The following PTPN9 variants were observed in gnomAD, a reference collection of about 807,000 sequenced individuals.
PTPN9 encodes the protein protein tyrosine phosphatase non-receptor type 9.
PTPN9 carries 26 observed loss-of-function variants against 69.8 expected under a neutral mutation model. That is an observed-to-expected ratio of 0.37 (90% CI 0.27 to 0.52). The LOEUF (loss-of-function observed/expected upper bound fraction) is 0.52, where lower values mean the gene tolerates loss of function less well. Ranked by LOEUF, PTPN9 falls within the 20% of genes least tolerant of loss-of-function variation. The pLI is 0.91. For synonymous variants in PTPN9, 274 were observed against 272.5 expected (o/e 1.01, Z -0.05); for missense variants, 549 against 740.3 (o/e 0.74, Z 3.00).
intron 1 of PTPN9, among the ~76,000 whole-genome samples, chr15:75,534,406 G>A (rs1468056311): frequency 6.6e-6 from 1 of 152,088 alleles, no homozygotes; most frequent in East Asian, 1.9e-4. Context: ...GGGAGTGGTG[G>A]CTCACATCTG....
chr15:75,472,187 C>T (rs79528972), intron 10 of PTPN9, among the ~76,000 whole-genome samples: 3,810 of 152,142 alleles, frequency 0.025, 173 homozygotes, highest in African/African-American at 0.088. Context: ...CGGCCAGGCG[C>T]GGTGGCTCAC....
In PTPN9 at chr15:75,505,945, T is replaced by C. The variant is rs1449429317; in HGVS notation, c.698A>G (p.Glu233Gly). Residue 233 changes from glutamate to glycine, a missense_variant, in exon 7 of 13, where the codon GAA becomes GGA. This residue lies in a region of PTPN9 where 457 missense variants were observed against 661.9 expected (regional missense o/e 0.69). Transcript: ENST00000618819. ...AATTTTGACGTACCCACCCAGGTTT[T>C]CTGGAAGACACTCCCTGGGCAGATG... The part of the protein sequence containing the change: ...TQHLPRECLP[E>G]NLGGYVKIDL... 3 of 1,614,014 alleles carry C rather than the reference T, an allele frequency of 1.9e-6. No homozygotes were observed. The highest frequency in any genetic ancestry group is 2.7e-5 in the African/African-American group (2 of 74,920).
chr15:75,518,416 C>T (rs761222905), intron 4 of PTPN9, among the ~76,000 whole-genome samples: 37 of 150,208 alleles, frequency 2.5e-4, no homozygotes, highest in Non-Finnish European at 4.7e-4. Flanking sequence ...TCGCTTGAAC[C>T]CAGGAGTTCA....
At chr15:75,557,218 A>G (rs949003656) in intron 1 of PTPN9, among the ~76,000 whole-genome samples, 8 of 152,084 alleles carry the variant, frequency 5.3e-5, no homozygotes, top group African/African-American at 1.9e-4. Context: ...TGAGGTCAGG[A>G]GTTCGAGACC....
chr15:75,494,570 C>T (rs984662096), intron 7 of PTPN9, among the ~76,000 whole-genome samples: 1 of 151,020 alleles, frequency 6.6e-6, no homozygotes, highest in African/African-American at 2.4e-5. Context: ...CCAGGCTGGT[C>T]TTGAACTCCT....
At chr15:75,555,649 C>T (rs923791229) in intron 1 of PTPN9, among the ~76,000 whole-genome samples, 4 of 151,852 alleles carry the variant, frequency 2.6e-5, no homozygotes, top group African/African-American at 4.8e-5. Context: ...GGATTACAGG[C>T]GTGCACCACC....
At chr15:75,543,971 C>T (rs1020240110) in intron 1 of PTPN9, among the ~76,000 whole-genome samples, 1 of 152,178 alleles carries the variant, frequency 6.6e-6, no homozygotes, top group East Asian at 1.9e-4. Context: ...GAGTGTGCCA[C>T]TCTCACTTTC....
At chr15:75,482,947 T>C (rs963598051) in intron 8 of PTPN9, among the ~76,000 whole-genome samples, 1 of 151,046 alleles carries the variant, frequency 6.6e-6, no homozygotes, top group East Asian at 1.9e-4. Flanking sequence ...AGAGCGAGAC[T>C]CTGTCTCAAA....
intron 5 of PTPN9, chr15:75,512,853 A>G: frequency 3.6e-6 from 1 of 280,542 alleles, no homozygotes; most frequent in Non-Finnish European, 7.1e-6. Context: ...CTTCATCCAG[A>G]TGTCCAGACA....
rs62029743 is a variant in PTPN9 at position 75,469,718 on chromosome 15, G to T, written c.1567+74C>A. The stretch of plus-strand genomic sequence containing the variant: ...AGTTCCTTCTCCAATCACAGATGTG[G>T]GCTAAGAGCTTTGTTTTTCCTCGTC... On this transcript the variant is annotated intron_variant, in intron 12 of 12. Transcript: ENST00000618819. 3.3e-6 allele frequency: 5 copies of T among 1,494,938 alleles called. No homozygotes were observed. The South Asian group carries it at 5.7e-5, about 17-fold the overall frequency. 92.6% of individuals were successfully genotyped at this position (1,494,938 alleles called of 1,614,324 possible).
intron 5 of PTPN9, among the ~76,000 whole-genome samples, chr15:75,511,918 G>C (rs189848945): frequency 3.0e-3 from 454 of 150,948 alleles, no homozygotes; most frequent in Admixed American, 5.4e-3. Context: ...GGAGTGTAGT[G>C]GCACGATATC....
intron 9 of PTPN9, among the ~76,000 whole-genome samples, chr15:75,477,725 G>C (rs2141290092): frequency 6.6e-6 from 1 of 151,446 alleles, no homozygotes; most frequent in East Asian, 1.9e-4. Context: ...ATCACCTTAA[G>C]CATACATTAA....
At chr15:75,491,529 GA>G (rs2074711090) in intron 7 of PTPN9, among the ~76,000 whole-genome samples, 1 of 152,164 alleles carries the variant, frequency 6.6e-6, no homozygotes, top group South Asian at 2.1e-4. Context: ...TAAAAATGTG[GA>G]AGCAGCTTTG....
chr15:75,512,170 G>A (rs2141314672), intron 5 of PTPN9, among the ~76,000 whole-genome samples: 1 of 151,084 alleles, frequency 6.6e-6, no homozygotes, highest in East Asian at 1.9e-4. Flanking sequence ...TTAAGAAGCT[G>A]TTTCTAAGAC....
intron 5 of PTPN9, among the ~76,000 whole-genome samples, chr15:75,516,488 AT>A (rs1410004179): frequency 7.7e-6 from 1 of 129,558 alleles, no homozygotes; most frequent in Non-Finnish European, 1.7e-5. Flanking sequence ...TTTTTTTTGT[AT>A]TTTTAGTAGA....
intron 7 of PTPN9, among the ~76,000 whole-genome samples, chr15:75,493,072 C>G (rs551557072): frequency 3.6e-4 from 55 of 152,094 alleles, no homozygotes; most frequent in African/African-American, 1.2e-3. Context: ...GGAGGATCAC[C>G]TAAGCTTGGG....
chr15:75,555,461 G>C (rs532667065), intron 1 of PTPN9, among the ~76,000 whole-genome samples: 1 of 152,034 alleles, frequency 6.6e-6, no homozygotes, highest in Non-Finnish European at 1.5e-5. Flanking sequence ...GGCAGGACTT[G>C]AAAATGTGCA....
chr15:75,540,482 G>A lies in PTPN9; in HGVS notation c.64-13221C>T, dbSNP rs1042492011. Among the ~76,000 whole-genome samples, 4 of 150,992 alleles carry A rather than the reference G, an allele frequency of 2.6e-5. No homozygotes were observed. The East Asian group carries it at 7.8e-4, about 29-fold the overall frequency. ...GCAGGAGAATCGCTTAAACCCAGGA[G>A]GTGGAGGTTGCAGTGAGCTGAGATC... On this transcript the variant is annotated intron_variant, in intron 1 of 12. Coordinates refer to ENST00000618819, the MANE Select transcript of PTPN9 (RefSeq NM_002833.4).
At chr15:75,566,051 T>C (rs1419461951) in intron 1 of PTPN9, among the ~76,000 whole-genome samples, 1 of 152,152 alleles carries the variant, frequency 6.6e-6, no homozygotes, top group East Asian at 1.9e-4. Context: ...AGATCAAGAA[T>C]ACTTACCACT....
Sources: gnomAD v4.1 joint callset for allele counts (sites outside exome capture counted in the v4.1 genomes callset) on GRCh38, gnomAD v4.1.1 for gene constraint, gnomAD v4.1.1 regional missense constraint, MANE v1.5 for transcripts, NCBI Gene and HGNC (gene_info 2026-07-23, HGNC 2026-07-21) for gene names.